Variants in ODAD4 observed in about 807,000 individuals in gnomAD.
ODAD4 encodes outer dynein arm docking complex subunit 4.
ODAD4 carries 49 observed loss-of-function variants against 51.8 expected under a neutral mutation model. The observed-to-expected ratio is 0.95, with a 90% CI of 0.75 to 1.20. The LOEUF (loss-of-function observed/expected upper bound fraction) is 1.20. Among genes scored for constraint, ODAD4 ranks in the 50% most tolerant of loss-of-function variants. The pLI, the probability that ODAD4 is intolerant of heterozygous loss-of-function variation, is 0.00. For synonymous variants in ODAD4, 235 were observed against 221.3 expected (o/e 1.06, Z -0.55); for missense variants, 590 against 586.5 (o/e 1.01, Z -0.06).
intron 9 of ODAD4, chr17:41,952,592 C>CTGAATGATTTACTCTCTTGAATAA (rs2050673176): frequency 2.4e-6 from 1 of 409,872 alleles, no homozygotes; most frequent in Non-Finnish European, 4.9e-6. Flanking sequence ...AAGAATAATC[C>CTGAATGATTTACTCTCTTGAATAA]TGAATGATTT....
intron 10 of ODAD4, among the ~76,000 whole-genome samples, 180 bp downstream of exon 10, chr17:41,955,497 G>C (rs782730423): frequency 6.6e-6 from 1 of 152,046 alleles, no homozygotes; most frequent in Admixed American, 6.6e-5. Context: ...GCGTGATCTC[G>C]GCTCACTGCA....
chr17:41,955,595 T>G (rs1204199504), intron 10 of ODAD4, among the ~76,000 whole-genome samples: 1 of 151,944 alleles, frequency 6.6e-6, no homozygotes, highest in African/African-American at 2.4e-5. Flanking sequence ...TCTGGCTAAT[T>G]TTTTGTATTT....
In ODAD4 at chr17:41,952,365, CA is replaced by C. The variant is rs140105127; in HGVS notation, c.1343-2830del. Among the ~76,000 whole-genome samples the C allele has an allele frequency of 5.5e-3, 479 of 87,210 alleles. 4 individuals carry two copies. The highest frequency in any genetic ancestry group is 0.021 in the African/African-American group (429 of 20,668). 57.2% of individuals were successfully genotyped at this position (87,210 alleles called of 152,430 possible). ...TCCAGGCGACTATGAGACTCTGTATCAAAAAAAAAAAAAAAAAAAAAATTAG... is the reference window on the plus strand; with the variant it reads ...TCCAGGCGACTATGAGACTCTGTATCAAAAAAAAAAAAAAAAAAAAATTAG... On this transcript the variant is annotated intron_variant, in intron 9 of 11. Coordinates refer to ENST00000377540, the MANE Select transcript of ODAD4 (RefSeq NM_031421.5).
intron 8 of ODAD4, 86 bp from the exon 9 acceptor site, chr17:41,949,067 C>T (rs965957093): frequency 3.0e-4 from 120 of 397,670 alleles, no homozygotes; most frequent in African/African-American, 1.8e-3. Context: ...AGTTTTATTC[C>T]GCCACCCAGC....
chr17:41,951,950 C>T (rs1221252297), intron 9 of ODAD4, among the ~76,000 whole-genome samples: 3 of 147,956 alleles, frequency 2.0e-5, no homozygotes, highest in South Asian at 4.3e-4. Flanking sequence ...ATAATCCTGG[C>T]ACTTTGGGAA....
chr17:41,935,582 A>T lies in ODAD4; in HGVS notation c.247-17A>T. ...GGCCTTATCTGTTCACATTGATTTG[A>T]TTTCCTCCCATTCCAGGGGATTTTG... On this transcript the variant is annotated splice_polypyrimidine_tract_variant and intron_variant, in intron 2 of 11. Transcript: ENST00000377540. 1.9e-6 allele frequency: 3 copies of T among 1,606,154 alleles called. No homozygotes were observed. Among genetic ancestry groups the T allele is most frequent in the Non-Finnish European group, 2.6e-6 (3 of 1,175,760 alleles).
At chr17:41,952,554 A>AAAAAG (rs2144523651) in intron 9 of ODAD4, 1 of 316,246 alleles carries the variant, frequency 3.2e-6, no homozygotes, top group African/African-American at 2.3e-5. Context: ...AAAAAAAAAA[A>AAAAAG]AAAAAAAAAA....
At position 41,945,122 on chromosome 17, in the gene ODAD4, C is replaced by T. The variant is rs781913852; in HGVS notation, c.1059-14C>T. On this transcript the variant is annotated splice_polypyrimidine_tract_variant and intron_variant, in intron 7 of 11. Transcript: ENST00000377540. The stretch of plus-strand genomic sequence containing the variant: ...GATTTCTAGTGAATGGCTTGTTTTG[C>T]TTCTTCCCCACAGTGACCTTCCTGA... 3.7e-6 allele frequency: 6 copies of T among 1,608,182 alleles called. No individual in the cohort carries two copies. The highest frequency in any genetic ancestry group is 5.1e-6 in the Non-Finnish European group (6 of 1,176,446).
In ODAD4 at chr17:41,957,225, A is replaced by G. The variant is rs1007351718; in HGVS notation, c.1443+1908A>G. On this transcript the variant is annotated intron_variant, in intron 10 of 11. Transcript: ENST00000377540. ...CATTTTCTCTTATCAGCAGTCCCCA[A>G]GCTTTTTGGCACCAGGCTCCAGTTT... Among the ~76,000 whole-genome samples, 8 of 152,156 alleles carry G rather than the reference A, an allele frequency of 5.3e-5. No homozygotes were observed. In the East Asian group the frequency reaches 7.7e-4, roughly 15 times the overall value.
At chr17:41,940,282 C>T (rs1230467934) in intron 7 of ODAD4, among the ~76,000 whole-genome samples, 2 of 152,196 alleles carry the variant, frequency 1.3e-5, no homozygotes, top group Non-Finnish European at 2.9e-5. Context: ...GAGACACATG[C>T]TATGAACTCT....
At chr17:41,960,104 G>A (rs187206646) in intron 10 of ODAD4, among the ~76,000 whole-genome samples, 66 of 152,256 alleles carry the variant, frequency 4.3e-4, no homozygotes, top group African/African-American at 1.5e-3. Context: ...GGAAATATTC[G>A]CCGAGTGTAG....
rs2050625620 is a variant in ODAD4, at chr17:41,949,334, G to GT, written c.1328dup (p.Ala444GlyfsTer18). 1 of 398,552 alleles carries GT rather than the reference G, an allele frequency of 2.5e-6. No homozygotes were observed. The highest frequency in any genetic ancestry group is 4.4e-6 in the Non-Finnish European group (1 of 226,132). 24.7% of individuals were successfully genotyped at this position (398,552 alleles called of 1,614,324 possible). The stretch of plus-strand genomic sequence containing the variant: ...GTGGCAACTGAATGCCAGTGTTCTG[G>GT]TGGCCCAGGCACAAGGTATGGGCTC... On this transcript the variant is annotated frameshift_variant, in exon 9 of 12. Coordinates refer to ENST00000377540, the MANE Select transcript of ODAD4 (RefSeq NM_031421.5). LOFTEE classifies it high-confidence loss of function.
intron 10 of ODAD4, among the ~76,000 whole-genome samples, chr17:41,958,330 C>G (rs1260818966): frequency 2.6e-5 from 4 of 152,088 alleles, no homozygotes; most frequent in African/African-American, 9.7e-5. Context: ...ACTTCCATTG[C>G]TTAAGGAGGC....
intron 1 of ODAD4, among the ~76,000 whole-genome samples, chr17:41,931,812 G>T (rs896944734): frequency 6.6e-6 from 1 of 152,212 alleles, no homozygotes; most frequent in Admixed American, 6.5e-5. Context: ...AAAGTGCTGG[G>T]ATTACTGAGG....
chr17:41,946,906 A>G (rs1228228963), intron 8 of ODAD4, among the ~76,000 whole-genome samples: 3 of 151,318 alleles, frequency 2.0e-5, no homozygotes, highest in Admixed American at 1.3e-4. Flanking sequence ...GCTGGAGTGC[A>G]GTGGCGTGAT....
At chr17:41,959,415 A>C (rs1174867572) in intron 10 of ODAD4, among the ~76,000 whole-genome samples, 1 of 152,234 alleles carries the variant, frequency 6.6e-6, no homozygotes, top group Non-Finnish European at 1.5e-5. Flanking sequence ...CATTGAAAGA[A>C]GCCAGATTGC....
intron 9 of ODAD4, among the ~76,000 whole-genome samples, chr17:41,954,362 TC>T: frequency 6.6e-6 from 1 of 152,144 alleles, no homozygotes; most frequent in East Asian, 1.9e-4. Context: ...AATCTGCTAA[TC>T]ATTTCAGTCC....
In ODAD4 at chr17:41,965,656, G is replaced by T; in HGVS notation, c.*173G>T. On this transcript the variant is annotated 3_prime_UTR_variant, in exon 12 of 12. Transcript: ENST00000377540. ...GGTGTCTTTCACTCTTGCAAACCCT[G>T]AGTCTGTCACTTTGCCTCTTCACCC... 1 of 578,620 alleles carries T rather than the reference G, an allele frequency of 1.7e-6. No homozygotes were observed. Among genetic ancestry groups the T allele is most frequent in the Non-Finnish European group, 3.0e-6 (1 of 328,726 alleles). 35.8% of individuals were successfully genotyped at this position (578,620 alleles called of 1,614,324 possible). A position where few individuals can be genotyped will look rare whatever the true frequency, so the allele number is the denominator to read the frequency against.
In ODAD4 at chr17:41,935,336, A is replaced by G. The variant is rs782117826; in HGVS notation, c.234A>G (p.Pro78=). 1.2e-6 allele frequency: 2 copies of G among 1,613,870 alleles called. No individual in the cohort carries two copies. Among genetic ancestry groups the G allele is most frequent in the Non-Finnish European group, 1.7e-6 (2 of 1,179,842 alleles). ...CTGAGGCTTCGCTCCAGAGTGACCC[A>G]GCTTTCTGTAAGGTGACTGCATGGG... ...KDAEASLQSD[P]AFCKGILQKA... Residue 78 remains proline, a synonymous_variant, in exon 2 of 12, where the codon CCA becomes CCG. Transcript: ENST00000377540.
Sources: allele counts gnomAD v4.1 joint callset (sites outside exome capture counted in the v4.1 genomes callset), GRCh38; gene constraint gnomAD v4.1.1; transcripts MANE v1.5; gene names NCBI Gene and HGNC (gene_info 2026-07-23, HGNC 2026-07-21).